Variants in MSH4 observed in about 807,000 individuals in gnomAD.
MSH4 encodes the protein mutS homolog 4.
Under a neutral mutation model 113.7 loss-of-function variants are expected in MSH4, and 106 were observed. That is an observed-to-expected ratio of 0.93 (90% CI 0.80 to 1.10). The LOEUF (loss-of-function observed/expected upper bound fraction) is 1.10. MSH4 is among the 50% of genes least tolerant of loss of function. MSH4 has a pLI of 0.00. For missense variants in MSH4, 1,061 were observed against 1,093.7 expected (o/e 0.97, Z 0.42); for synonymous variants, 368 against 380.2 (o/e 0.97, Z 0.37).
intron 7 of MSH4, among the ~76,000 whole-genome samples, chr1:75,841,054 A>G (rs1650948432): frequency 6.6e-6 from 1 of 152,188 alleles, no homozygotes; most frequent in Admixed American, 6.5e-5. Context: ...TGTGCAAGGT[A>G]TGTTGATGTC....
intron 7 of MSH4, among the ~76,000 whole-genome samples, chr1:75,834,697 G>A (rs532618961): frequency 1.5e-3 from 229 of 152,238 alleles, no homozygotes; most frequent in African/African-American, 5.2e-3. Flanking sequence ...ACCAAACACC[G>A]CATGTTCTCA....
At chr1:75,849,034 T>C (rs5745413) in intron 8 of MSH4, among the ~76,000 whole-genome samples, 146,496 of 152,104 alleles carry the variant, frequency 0.96, 70,794 homozygotes, top group East Asian at 1. Context: ...CAGGTTCAAG[T>C]GATTCTCTTG....
chr1:75,873,185 A>G (rs1651750810), intron 9 of MSH4, among the ~76,000 whole-genome samples: 1 of 152,212 alleles, frequency 6.6e-6, no homozygotes, highest in Admixed American at 6.5e-5. Context: ...ATTTTACACC[A>G]GCAGCTCATG....
intron 9 of MSH4, among the ~76,000 whole-genome samples, chr1:75,872,577 T>C (rs1242473242): frequency 6.6e-6 from 1 of 151,862 alleles, no homozygotes; most frequent in Admixed American, 6.6e-5. Context: ...CAGAAGCTAA[T>C]GAAAAATAGA....
At chr1:75,816,775 T>G (rs1373706865) in intron 6 of MSH4, among the ~76,000 whole-genome samples, 1 of 152,060 alleles carries the variant, frequency 6.6e-6, no homozygotes, top group Admixed American at 6.6e-5. Flanking sequence ...TACAGGCATG[T>G]GCCACCATGC....
rs775341700 is a variant in MSH4 at position 75,806,975 on chromosome 1, T to G, written c.428-6T>G. On this transcript the variant is annotated splice_region_variant and splice_polypyrimidine_tract_variant and intron_variant, in intron 2 of 19. Coordinates refer to ENST00000263187, the MANE Select transcript of MSH4 (RefSeq NM_002440.4). ...TTATATCTTTTCTTTATTTAAAAAT[T>G]TACAGCTTCATCCTCATCTGCGATT... 6.4e-7 allele frequency: 1 copy of G among 1,550,978 alleles called. No individual in the cohort carries two copies. The highest frequency in any genetic ancestry group is 2.4e-5 in the East Asian group (1 of 41,616).
intron 8 of MSH4, among the ~76,000 whole-genome samples, chr1:75,851,552 C>T (rs986042293): frequency 2.0e-5 from 3 of 152,114 alleles, no homozygotes; most frequent in African/African-American, 7.2e-5. Flanking sequence ...GCTGGGACTA[C>T]AGGCATGCCA....
At chr1:75,908,274 TA>T (rs1341759848) in intron 19 of MSH4, among the ~76,000 whole-genome samples, 2 of 151,534 alleles carry the variant, frequency 1.3e-5, no homozygotes, top group African/African-American at 4.9e-5. Flanking sequence ...GCCTCCTGTG[TA>T]GCTGGGATTA....
At chr1:75,806,340 C>T (rs572645656) in intron 2 of MSH4, among the ~76,000 whole-genome samples, 5 of 139,024 alleles carry the variant, frequency 3.6e-5, no homozygotes, top group Non-Finnish European at 6.0e-5. Flanking sequence ...CTCCGCCTCC[C>T]GGGTTCACGC....
intron 10 of MSH4, among the ~76,000 whole-genome samples, chr1:75,877,752 C>T (rs1356186388): frequency 2.0e-5 from 3 of 152,190 alleles, no homozygotes; most frequent in African/African-American, 4.8e-5. Flanking sequence ...TTATTCTTCT[C>T]TGAATCTCTT....
intron 19 of MSH4, among the ~76,000 whole-genome samples, chr1:75,902,068 T>C (rs1652517436): frequency 6.6e-6 from 1 of 152,132 alleles, no homozygotes; most frequent in Non-Finnish European, 1.5e-5. Flanking sequence ...CTAGCTCAGA[T>C]GTGAACTTCC....
intron 2 of MSH4, among the ~76,000 whole-genome samples, chr1:75,805,063 G>C (rs1019406918): frequency 6.6e-6 from 1 of 152,040 alleles, no homozygotes; most frequent in Non-Finnish European, 1.5e-5. Flanking sequence ...CTAACCTCAT[G>C]ATCCGCCCAC....
chr1:75,884,031 C>T (rs5745486), intron 15 of MSH4, among the ~76,000 whole-genome samples: 6,515 of 152,142 alleles, frequency 0.043, 205 homozygotes, highest in Non-Finnish European at 0.068. Context: ...TTGCATTGCA[C>T]TAAAATTTTT....
chr1:75,910,977 A>G (rs996021580), intron 19 of MSH4, among the ~76,000 whole-genome samples: 1 of 151,916 alleles, frequency 6.6e-6, no homozygotes, highest in Non-Finnish European at 1.5e-5. Flanking sequence ...TAGTTTGCCT[A>G]CTCAGAAACT....
chr1:75,883,841 A>G lies in MSH4; in HGVS notation c.2107+20A>G. Reference sequence around the variant, plus strand: ...AGATTGGTAAGTTATGGCTTTATTTATAATGACCAGTTTTACACTCTTTTC... The same window carrying G: ...AGATTGGTAAGTTATGGCTTTATTTGTAATGACCAGTTTTACACTCTTTTC... On this transcript the variant is annotated intron_variant, in intron 15 of 19. Coordinates refer to ENST00000263187, the MANE Select transcript of MSH4 (RefSeq NM_002440.4). 1.9e-6 allele frequency: 3 copies of G among 1,595,488 alleles called. No individual in the cohort carries two copies. Among genetic ancestry groups the G allele is most frequent in the Non-Finnish European group, 2.6e-6 (3 of 1,169,584 alleles).
Position 75,883,709 on chromosome 1 carries a change from C to G in MSH4, c.1995C>G (p.Asn665Lys). The G allele has an allele frequency of 1.2e-6, 2 of 1,613,134 alleles. No homozygotes were observed. Among genetic ancestry groups the G allele is most frequent in the Non-Finnish European group, 1.7e-6 (2 of 1,179,520 alleles). The stretch of plus-strand genomic sequence containing the variant: ...TATCTGCGGAAAAACCTATTGCCAA[C>G]AATACCTATGTTACAGAAGGGAGTA... ...EKISAEKPIA[N>K]NTYVTEGSNF... is the part of the protein sequence containing the mutation. Residue 665 changes from asparagine to lysine, a missense_variant, in exon 15 of 20, where the codon AAC (asparagine) becomes AAG (lysine). Asn to Lys is a moderately conservative substitution (Grantham distance 94, BLOSUM62 0). Transcript: ENST00000263187.
At position 75,912,871 on chromosome 1, in the gene MSH4, A is replaced by G. The variant is rs1652820539; in HGVS notation, c.2795A>G (p.Glu932Gly). The change falls in exon 20 of 20, where the codon GAA becomes GGA. Residue 932 changes from glutamate to glycine, a missense_variant. Coordinates refer to ENST00000263187, the MANE Select transcript of MSH4 (RefSeq NM_002440.4). ...EDFPRTEQVPEKTEE is the reference protein window; with the variant it reads ...EDFPRTEQVPGKTEE ...TTTCCCAGGACTGAACAAGTTCCAG[A>G]AAAGACTGAAGAATAATCACAATTC... 1.3e-6 allele frequency: 2 copies of G among 1,529,348 alleles called. No homozygotes were observed. Among genetic ancestry groups the G allele is most frequent in the African/African-American group, 1.4e-5 (1 of 70,806 alleles). The allele number at this position is 1,529,348 out of a possible 1,614,324, so 94.7% of individuals were successfully genotyped here.
intron 7 of MSH4, among the ~76,000 whole-genome samples, chr1:75,841,029 T>A (rs1187904026): frequency 6.6e-6 from 1 of 152,126 alleles, no homozygotes; most frequent in Non-Finnish European, 1.5e-5. Flanking sequence ...ATATTCGAGA[T>A]GAAGGGAACA....
chr1:75,830,532 A>G lies in MSH4; in HGVS notation c.1162+7951A>G, dbSNP rs536340071. 2.8e-3 allele frequency among the ~76,000 whole-genome samples: 431 copies of G among 152,258 alleles called. 1 individual carries two copies. The highest frequency in any genetic ancestry group is 4.2e-3 in the Admixed American group (64 of 15,284). On this transcript the variant is annotated intron_variant, in intron 7 of 19. Transcript: ENST00000263187. ...AATGAAGGAAAAAATGTTAAGGGCA[A>G]CCAGAGAGAAAGGTCAGGTTACCCA... is the stretch of plus-strand genomic sequence containing the variant.
Sources: allele counts gnomAD v4.1 joint callset (sites outside exome capture counted in the v4.1 genomes callset), GRCh38; gene constraint gnomAD v4.1.1; transcripts MANE v1.5; gene names NCBI Gene and HGNC (gene_info 2026-07-23, HGNC 2026-07-21).